Variants in AUTS2 observed in about 807,000 individuals in gnomAD.
AUTS2 encodes the protein activator of transcription and developmental regulator AUTS2.
In AUTS2, 17 loss-of-function variants were observed where a neutral mutation model predicts 112.4. That is an observed-to-expected ratio of 0.15 (90% CI 0.10 to 0.23). The LOEUF is 0.23. Ranked by LOEUF, AUTS2 falls within the 10% of genes least tolerant of loss-of-function variation. AUTS2 has a pLI of 1.00. For missense variants in AUTS2, 1,510 were observed against 1,701.6 expected (o/e 0.89, Z 1.98); for synonymous variants, 751 against 702.7 (o/e 1.07, Z -1.09).
intron 5 of AUTS2, among the ~76,000 whole-genome samples, chr7:70,646,508 A>G (rs1585431857): frequency 6.6e-6 from 1 of 152,236 alleles, no homozygotes; most frequent in East Asian, 1.9e-4. Flanking sequence ...CCAGGTTGCA[A>G]CAAAAACACC....
At chr7:70,740,898 C>A (rs980998669) in intron 6 of AUTS2, among the ~76,000 whole-genome samples, 2 of 151,698 alleles carry the variant, frequency 1.3e-5, no homozygotes, top group Admixed American at 1.3e-4. Flanking sequence ...GTTTGAGACC[C>A]GCCTGGGCAA....
intron 4 of AUTS2, among the ~76,000 whole-genome samples, chr7:70,225,976 G>A (rs994746283): frequency 1.2e-4 from 18 of 152,162 alleles, no homozygotes; most frequent in Non-Finnish European, 2.4e-4. Context: ...TGTACAGAGA[G>A]CTATGAATAC....
intron 4 of AUTS2, among the ~76,000 whole-genome samples, chr7:70,250,546 A>G (rs1167498210): frequency 2.0e-5 from 3 of 152,194 alleles, no homozygotes. Flanking sequence ...AAAATTCACT[A>G]ACATCTCTCT....
chr7:70,701,480 T>C (rs952933645), intron 6 of AUTS2, among the ~76,000 whole-genome samples: 5 of 152,250 alleles, frequency 3.3e-5, no homozygotes, highest in African/African-American at 1.2e-4. Flanking sequence ...ACAGAGTGGA[T>C]ACAGTGAGTA....
rs1791831778 is a variant in AUTS2 at position 70,790,320 on chromosome 7, ACAGCAT to A, written c.3110_3115del (p.Ile1037_Ser1038del). 6.2e-7 allele frequency: 1 copy of A among 1,613,610 alleles called. No individual in the cohort carries two copies. The highest frequency in any genetic ancestry group is 1.3e-5 in the African/African-American group (1 of 74,922). Reference sequence around the variant, plus strand: ...GGGGTGACGGGCATTCACCCCATGAACAGCATCAGCAGCCTGGACAGGACTCGCATG... The same window carrying A: ...GGGGTGACGGGCATTCACCCCATGAACAGCAGCCTGGACAGGACTCGCATG... On this transcript the variant is annotated inframe_deletion, in exon 19 of 19. Transcript: ENST00000342771. The surrounding 1 kb of genome is among the most constrained non-coding windows in gnomAD (Gnocchi z 7.6).
At chr7:69,963,905 ATTTCCT>A (rs1443067915) in intron 2 of AUTS2, among the ~76,000 whole-genome samples, 2 of 152,090 alleles carry the variant, frequency 1.3e-5, no homozygotes, top group Non-Finnish European at 2.9e-5. Flanking sequence ...CCACTGGTTC[ATTTCCT>A]TTTCCTTTTT....
chr7:69,848,711 A>G (rs967034308), intron 1 of AUTS2, among the ~76,000 whole-genome samples: 12 of 152,206 alleles, frequency 7.9e-5, no homozygotes, highest in Non-Finnish European at 1.8e-4. Context: ...TGTGAAATAC[A>G]AGTCCCATTT....
intron 4 of AUTS2, among the ~76,000 whole-genome samples, chr7:70,234,400 GT>G (rs1812213731): frequency 6.6e-6 from 1 of 152,198 alleles, no homozygotes; most frequent in Non-Finnish European, 1.5e-5. Flanking sequence ...CTTTTCCCCT[GT>G]GAGATATGTT....
intron 3 of AUTS2, among the ~76,000 whole-genome samples, chr7:70,124,596 C>T (rs993216839): frequency 9.9e-5 from 15 of 151,340 alleles, no homozygotes; most frequent in Non-Finnish European, 1.8e-4. Flanking sequence ...TGGTGTCTCG[C>T]TCCGTCACCA....
At chr7:70,497,094 T>A (rs1360773756) in intron 5 of AUTS2, among the ~76,000 whole-genome samples, 2 of 63,996 alleles carry the variant, frequency 3.1e-5, no homozygotes, top group African/African-American at 7.6e-5. Flanking sequence ...ACGTACACAG[T>A]CAGACACACA....
chr7:70,449,239 C>T (rs532405663), intron 5 of AUTS2, among the ~76,000 whole-genome samples: 11 of 152,214 alleles, frequency 7.2e-5, no homozygotes, highest in South Asian at 2.1e-4. Flanking sequence ...TCGGAGACTT[C>T]GTTTCTCCTT....
rs369801854 is a variant in AUTS2, at chr7:70,790,184, C to T, written c.2968C>T (p.His990Tyr). Residue 990 changes from histidine (H) to tyrosine (Y), a missense_variant, in exon 19 of 19, where the codon CAT becomes TAT. This residue lies in a region of AUTS2 where 788 missense variants were observed against 797.6 expected (regional missense o/e 0.99). Transcript: ENST00000342771. The surrounding 1 kb of genome is among the most constrained non-coding windows in gnomAD (Gnocchi z 7.6). ...VKVKEERKED[H>Y]DLPPEAPQTH... ...GGTGAAGGAGGAGCGGAAGGAAGACCATGACCTGCCTCCAGAGGCCCCGCA... is the reference window on the plus strand; with the variant it reads ...GGTGAAGGAGGAGCGGAAGGAAGACTATGACCTGCCTCCAGAGGCCCCGCA... 17 of 1,612,378 alleles carry T rather than the reference C, an allele frequency of 1.1e-5. No homozygotes were observed. The highest frequency in any genetic ancestry group is 1.4e-5 in the Non-Finnish European group (17 of 1,179,792).
At chr7:70,617,015 T>C (rs1033085541) in intron 5 of AUTS2, among the ~76,000 whole-genome samples, 7 of 152,178 alleles carry the variant, frequency 4.6e-5, no homozygotes, top group African/African-American at 1.7e-4. Context: ...CTGCAAGTAA[T>C]AGCTTGACTA....
chr7:70,409,487 G>T (rs1178140034), intron 4 of AUTS2, among the ~76,000 whole-genome samples: 2 of 152,210 alleles, frequency 1.3e-5, no homozygotes, highest in Non-Finnish European at 1.5e-5. Context: ...CTCACATGAT[G>T]TGTGTGCATG....
intron 5 of AUTS2, among the ~76,000 whole-genome samples, chr7:70,495,277 A>T (rs1303389708): frequency 6.9e-6 from 1 of 144,472 alleles, no homozygotes; most frequent in Non-Finnish European, 1.5e-5. Flanking sequence ...TTGAAAGTCC[A>T]CCCCCCTTCT....
intron 4 of AUTS2, chr7:70,290,387 T>C: frequency 2.0e-6 from 3 of 1,514,488 alleles, no homozygotes; most frequent in South Asian, 2.6e-5. Context: ...AAGATGTGCC[T>C]TGGAGAGGAA....
intron 5 of AUTS2, among the ~76,000 whole-genome samples, chr7:70,689,558 C>T (rs1360853084): frequency 3.3e-5 from 5 of 151,662 alleles, no homozygotes; most frequent in Non-Finnish European, 5.9e-5. Context: ...GGGCAGATCA[C>T]GAGGTCAGGA....
At chr7:70,115,444 G>A (rs1462426388) in intron 2 of AUTS2, among the ~76,000 whole-genome samples, 2 of 152,126 alleles carry the variant, frequency 1.3e-5, no homozygotes, top group East Asian at 3.9e-4. Flanking sequence ...CACAGTGCTG[G>A]GATTATAGGC....
chr7:70,396,433 G>C (rs1427318971), intron 4 of AUTS2, among the ~76,000 whole-genome samples: 1 of 150,998 alleles, frequency 6.6e-6, no homozygotes, highest in African/African-American at 2.4e-5. Context: ...CTGGAGTACA[G>C]TGGCACGATC....
Sources: gnomAD v4.1 joint callset for allele counts (sites outside exome capture counted in the v4.1 genomes callset) on GRCh38, gnomAD v4.1.1 for gene constraint, gnomAD v4.1.1 regional missense constraint, Gnocchi (gnomAD v3.1) non-coding constraint, MANE v1.5 for transcripts, NCBI Gene and HGNC (gene_info 2026-07-23, HGNC 2026-07-21) for gene names.